The following PRKCE variants were observed in gnomAD, a reference collection of about 807,000 sequenced individuals.
The protein encoded by PRKCE is protein kinase C epsilon type.
In PRKCE, 16 loss-of-function variants were observed where a neutral mutation model predicts 85.4. That is an observed-to-expected ratio of 0.19 (90% CI 0.13 to 0.28). The LOEUF is 0.28. PRKCE is among the 10% of genes least tolerant of loss of function. The pLI is 1.00. For missense variants in PRKCE, 573 were observed against 975.2 expected (o/e 0.59, Z 5.49); for synonymous variants, 388 against 371.5 (o/e 1.04, Z -0.51).
intron 1 of PRKCE, among the ~76,000 whole-genome samples, chr2:45,794,268 C>T (rs1239207410): frequency 2.6e-5 from 4 of 152,108 alleles, no homozygotes; most frequent in African/African-American, 7.2e-5. Context: ...TTCAGAAACA[C>T]ATACACATGG....
chr2:45,973,496 G>C (rs1702240979), intron 2 of PRKCE, among the ~76,000 whole-genome samples: 1 of 152,172 alleles, frequency 6.6e-6, no homozygotes, highest in African/African-American at 2.4e-5. Flanking sequence ...TTAAAAGGCA[G>C]TGCAGATGCT....
intron 1 of PRKCE, among the ~76,000 whole-genome samples, chr2:45,744,412 CTTTT>C (rs1322115479): frequency 3.0e-4 from 44 of 148,192 alleles, no homozygotes; most frequent in Non-Finnish European, 6.4e-4. Flanking sequence ...TCTTTCTTTT[CTTTT>C]CTTTCTTTCT....
intron 6 of PRKCE, among the ~76,000 whole-genome samples, chr2:45,987,618 ACAG>A (rs2104618981): frequency 6.6e-6 from 1 of 150,520 alleles, no homozygotes; most frequent in African/African-American, 2.5e-5. Context: ...CATCCCCACC[ACAG>A]CAGCACACGT....
intron 10 of PRKCE, among the ~76,000 whole-genome samples, chr2:46,016,380 G>A (rs1367427317): frequency 2.6e-5 from 4 of 152,182 alleles, no homozygotes; most frequent in South Asian, 4.1e-4. Flanking sequence ...GAGAAAGATC[G>A]TCACTGGTTT....
chr2:45,851,488 A>G (rs1199683551), intron 2 of PRKCE, among the ~76,000 whole-genome samples: 4 of 152,052 alleles, frequency 2.6e-5, no homozygotes, highest in Non-Finnish European at 5.9e-5. Context: ...TGTCTATGCA[A>G]GGATACACAG....
chr2:45,685,101 A>C lies in PRKCE; in HGVS notation c.348+32653A>C, dbSNP rs1677199811. Among the ~76,000 whole-genome samples, 3 of 152,314 alleles carry C rather than the reference A, an allele frequency of 2.0e-5. No individual in the cohort carries two copies. In the South Asian group the frequency reaches 6.2e-4, roughly 32 times the overall value. Reference sequence around the variant, plus strand: ...AAGACGAGAATAAAAGGGCACTTGAAACCTAAACACGGGCCAATGACTCCT... The same window carrying C: ...AAGACGAGAATAAAAGGGCACTTGACACCTAAACACGGGCCAATGACTCCT... On this transcript the variant is annotated intron_variant, in intron 1 of 14. Transcript: ENST00000306156.
At chr2:45,902,528 C>A (rs940232517) in intron 2 of PRKCE, among the ~76,000 whole-genome samples, 10 of 152,130 alleles carry the variant, frequency 6.6e-5, no homozygotes, top group Non-Finnish European at 1.5e-4. Context: ...ATCCTGAGGA[C>A]ATGGGATGTG....
At chr2:45,858,518 A>G (rs759599554) in intron 2 of PRKCE, among the ~76,000 whole-genome samples, 11 of 152,042 alleles carry the variant, frequency 7.2e-5, no homozygotes, top group Non-Finnish European at 1.0e-4. Flanking sequence ...ATCATGGGTC[A>G]TATGTCCCTA....
intron 1 of PRKCE, among the ~76,000 whole-genome samples, chr2:45,807,160 C>G (rs1688307380): frequency 6.6e-6 from 1 of 152,206 alleles, no homozygotes; most frequent in African/African-American, 2.4e-5. Flanking sequence ...CTGGTCTCAG[C>G]CTCAGTTTTT....
intron 2 of PRKCE, among the ~76,000 whole-genome samples, chr2:45,919,931 G>A (rs906485746): frequency 3.3e-5 from 5 of 152,240 alleles, no homozygotes; most frequent in Non-Finnish European, 5.9e-5. Flanking sequence ...GCGTGAGTGG[G>A]TGAAGGCAGA....
intron 11 of PRKCE, among the ~76,000 whole-genome samples, chr2:46,125,563 C>A (rs1037682536): frequency 4.6e-5 from 7 of 152,188 alleles, no homozygotes; most frequent in African/African-American, 1.7e-4. Context: ...AACCATACAT[C>A]ATCAGGAGAG....
At chr2:45,983,677 C>G (rs1031933023) in intron 5 of PRKCE, among the ~76,000 whole-genome samples, 1 of 152,088 alleles carries the variant, frequency 6.6e-6, no homozygotes. Context: ...ATGGACTGCC[C>G]TGTAGGGTGG....
intron 1 of PRKCE, among the ~76,000 whole-genome samples, chr2:45,707,823 C>G (rs1024294776): frequency 1.3e-5 from 2 of 152,230 alleles, no homozygotes; most frequent in Non-Finnish European, 2.9e-5. Flanking sequence ...ATGGAAGGAG[C>G]GATGGCTCTG....
chr2:45,808,133 A>C (rs1382442643), intron 1 of PRKCE, among the ~76,000 whole-genome samples: 1 of 151,986 alleles, frequency 6.6e-6, no homozygotes, highest in East Asian at 1.9e-4. Context: ...TCACACTGCC[A>C]CTTTTATTGG....
intron 1 of PRKCE, among the ~76,000 whole-genome samples, chr2:45,711,729 G>A (rs1404462149): frequency 6.6e-6 from 1 of 152,102 alleles, no homozygotes; most frequent in African/African-American, 2.4e-5. Context: ...TCTGGTTCAA[G>A]CAATTCTGCC....
chr2:45,651,983 G>A lies in PRKCE; in HGVS notation c.-118G>A, dbSNP rs961363156. ...ACGCCACAAGGTGTAGGGAGTGTGC[G>A]GGGTGGGGCGAAAGGGGACCCAAGA... is the stretch of plus-strand genomic sequence containing the variant. On this transcript the variant is annotated 5_prime_UTR_variant, in exon 1 of 15. Coordinates refer to ENST00000306156, the MANE Select transcript of PRKCE (RefSeq NM_005400.3). The A allele has an allele frequency of 1.5e-4, 114 of 779,990 alleles. No individual in the cohort carries two copies. The highest frequency in any genetic ancestry group is 2.1e-4 in the Non-Finnish European group (102 of 476,624). 48.3% of individuals were successfully genotyped at this position (779,990 alleles called of 1,614,324 possible).
chr2:46,093,632 A>G (rs889575931), intron 11 of PRKCE, among the ~76,000 whole-genome samples: 2 of 151,704 alleles, frequency 1.3e-5, no homozygotes, highest in Non-Finnish European at 2.9e-5. Flanking sequence ...GGATTTGAGC[A>G]ATCCTCTCAC....
chr2:46,113,254 G>T (rs1370730948), intron 11 of PRKCE, among the ~76,000 whole-genome samples: 3 of 152,190 alleles, frequency 2.0e-5, no homozygotes, highest in Non-Finnish European at 4.4e-5. Flanking sequence ...CTCTTTGCAT[G>T]TGTATTCTGT....
Position 46,159,574 on chromosome 2 carries a change from C to T in PRKCE, c.1921-32C>T. 1 of 1,560,128 alleles carries T rather than the reference C, an allele frequency of 6.4e-7. No homozygotes were observed. The highest frequency in any genetic ancestry group is 8.6e-7 in the Non-Finnish European group (1 of 1,159,974). ...TAGCCTGTGCTGGCCAGGCCTTTGT[C>T]ACTAATTCCGACTCTGTCCTCATCC... On this transcript the variant is annotated intron_variant, in intron 13 of 14. Transcript: ENST00000306156. The surrounding 1 kb of genome is among the most constrained non-coding windows in gnomAD (Gnocchi z 4.1).
Sources: allele counts gnomAD v4.1 joint callset (sites outside exome capture counted in the v4.1 genomes callset), GRCh38; gene constraint gnomAD v4.1.1; non-coding constraint Gnocchi (gnomAD v3.1); transcripts MANE v1.5; gene names NCBI Gene and HGNC (gene_info 2026-07-23, HGNC 2026-07-21).